SERINC5: variants seen among roughly 807,000 people sequenced by gnomAD.
The protein encoded by SERINC5 is chromosome 5 open reading frame 12.
SERINC5 carries 41 observed loss-of-function variants against 63.1 expected under a neutral mutation model. The ratio of observed to expected loss-of-function variants is 0.65; its 90% CI spans 0.51 to 0.84. The LOEUF (loss-of-function observed/expected upper bound fraction) is 0.84. SERINC5 is among the 40% of genes least tolerant of loss of function. The pLI is 0.00. For synonymous variants in SERINC5, 222 were observed against 215.2 expected (o/e 1.03, Z -0.28); for missense variants, 523 against 573.0 (o/e 0.91, Z 0.89).
At chr5:80,168,534 T>A (rs1747450655) in intron 6 of SERINC5, among the ~76,000 whole-genome samples, 1 of 152,244 alleles carries the variant, frequency 6.6e-6, no homozygotes, top group Admixed American at 6.5e-5. Flanking sequence ...ATTTTAGAAA[T>A]GATTCAAGGG....
At chr5:80,148,147 C>G (rs1490415158) in intron 9 of SERINC5, among the ~76,000 whole-genome samples, 2 of 150,030 alleles carry the variant, frequency 1.3e-5, no homozygotes, top group Non-Finnish European at 3.0e-5. Flanking sequence ...GGAGGGAATG[C>G]TTGCCTTTGA....
intron 1 of SERINC5, among the ~76,000 whole-genome samples, chr5:80,237,345 C>CT (rs61277664): frequency 0.32 from 48,607 of 150,824 alleles, 7,841 homozygotes; most frequent in Middle Eastern, 0.41. Context: ...CTTTCTCTCT[C>CT]TTTTTTTTTC....
At chr5:80,205,421 C>G (rs1239713090) in intron 1 of SERINC5, among the ~76,000 whole-genome samples, 1 of 152,204 alleles carries the variant, frequency 6.6e-6, no homozygotes, top group African/African-American at 2.4e-5. Flanking sequence ...TGTACAAGCA[C>G]CCAGGGTGCT....
intron 9 of SERINC5, among the ~76,000 whole-genome samples, chr5:80,147,544 C>T (rs940931378): frequency 1.3e-5 from 2 of 152,124 alleles, no homozygotes; most frequent in African/African-American, 4.8e-5. Flanking sequence ...GCTCCTTTAC[C>T]CTTCCTGGGT....
At chr5:80,112,191 CG>C (rs1389384843) in intron 12 of SERINC5, among the ~76,000 whole-genome samples, 3 of 152,128 alleles carry the variant, frequency 2.0e-5, no homozygotes, top group African/African-American at 7.2e-5. Context: ...TCATACCGAA[CG>C]GAATGTCTCG....
chr5:80,130,335 G>A (rs537623430), intron 11 of SERINC5, among the ~76,000 whole-genome samples: 8 of 151,898 alleles, frequency 5.3e-5, no homozygotes, highest in East Asian at 1.9e-4. Context: ...AGCCAAGATC[G>A]CGCCACTGCA....
chr5:80,179,388 C>G (rs1748275380), intron 2 of SERINC5, among the ~76,000 whole-genome samples: 1 of 152,228 alleles, frequency 6.6e-6, no homozygotes, highest in African/African-American at 2.4e-5. Context: ...TCATCACTAT[C>G]TTATACTGTA....
intron 1 of SERINC5, among the ~76,000 whole-genome samples, chr5:80,220,470 A>G (rs1316866855): frequency 6.6e-6 from 1 of 152,198 alleles, no homozygotes; most frequent in African/African-American, 2.4e-5. Context: ...AATTACTGTT[A>G]TTTGTTCAGT....
At chr5:80,210,619 C>T (rs890188971) in intron 1 of SERINC5, among the ~76,000 whole-genome samples, 2 of 152,122 alleles carry the variant, frequency 1.3e-5, no homozygotes, top group Non-Finnish European at 1.5e-5. Flanking sequence ...ACAAAATCGG[C>T]ATGCACACAC....
chr5:80,193,775 G>A (rs1306703692), intron 2 of SERINC5, among the ~76,000 whole-genome samples: 1 of 152,208 alleles, frequency 6.6e-6, no homozygotes, highest in African/African-American at 2.4e-5. Flanking sequence ...TATGGGGAAG[G>A]ATAAGGCCCA....
intron 11 of SERINC5, among the ~76,000 whole-genome samples, chr5:80,117,326 T>C (rs1744372129): frequency 6.6e-6 from 1 of 152,078 alleles, no homozygotes; most frequent in African/African-American, 2.4e-5. Context: ...AATAGGCAAA[T>C]ATTGGCACCT....
At position 80,204,886 on chromosome 5, in the gene SERINC5, C is replaced by T. The variant is rs150340508; in HGVS notation, c.28-1833G>A. The stretch of plus-strand genomic sequence containing the variant: ...CTGGGGAAAAACAAAACTGCAGCTG[C>T]ACTGATAAGAAAGCAGGGCCCAGCA... On this transcript the variant is annotated intron_variant, in intron 1 of 11. Coordinates refer to ENST00000507668, the MANE Select transcript of SERINC5 (RefSeq NM_001174072.3). Among the ~76,000 whole-genome samples the T allele has an allele frequency of 2.3e-3, 357 of 152,268 alleles. 1 individual carries two copies. The highest frequency in any genetic ancestry group is 8.2e-3 in the African/African-American group (340 of 41,558).
At chr5:80,216,932 G>C (rs969858939) in intron 1 of SERINC5, among the ~76,000 whole-genome samples, 2 of 151,976 alleles carry the variant, frequency 1.3e-5, no homozygotes, top group Admixed American at 1.3e-4. Flanking sequence ...GATGGATTGA[G>C]CCCAGAAGAT....
chr5:80,143,892 T>C, intron 11 of SERINC5, 82 bp from the exon 12 acceptor site: 2 of 1,459,306 alleles, frequency 1.4e-6, no homozygotes, highest in Non-Finnish European at 1.8e-6. Flanking sequence ...ATTTATAATG[T>C]ATAATTCAAC....
At chr5:80,196,430 C>G (rs1317209827) in intron 2 of SERINC5, among the ~76,000 whole-genome samples, 1 of 152,138 alleles carries the variant, frequency 6.6e-6, no homozygotes, top group Non-Finnish European at 1.5e-5. Flanking sequence ...TCCCACATTA[C>G]TGGTGGGAAT....
chr5:80,250,356 T>A (rs1752354174), intron 1 of SERINC5, among the ~76,000 whole-genome samples: 1 of 152,306 alleles, frequency 6.6e-6, no homozygotes, highest in East Asian at 1.9e-4. Flanking sequence ...TATTATTATT[T>A]TTTGAAACGG....
Position 80,202,895 on chromosome 5 carries a change from C to T in SERINC5, c.186G>A (p.Met62Ile). 2 of 1,609,734 alleles carry T rather than the reference C, an allele frequency of 1.2e-6. No homozygotes were observed. Among genetic ancestry groups the T allele is most frequent in the Non-Finnish European group, 1.7e-6 (2 of 1,176,642 alleles). The change falls in exon 2 of 12, where the codon ATG becomes ATA. Residue 62 changes from methionine to isoleucine, a missense_variant. By Grantham distance (10) the Met-to-Ile change is conservative. Coordinates refer to ENST00000507668, the MANE Select transcript of SERINC5 (RefSeq NM_001174072.3). ...IMMSTTVAHK[M>I]KEHIPFFEDM... ...ACACGGACAAACTTACGTGCTCTTT[C>T]ATCTTGTGAGCCACGGTTGTTGACA... is the stretch of plus-strand genomic sequence containing the variant.
At chr5:80,137,880 A>C (rs565662130), downstream of SERINC5, among the ~76,000 whole-genome samples, 3 of 152,112 alleles carry the variant, frequency 2.0e-5, no homozygotes, top group South Asian at 6.2e-4. Flanking sequence ...AGTCAAGGCC[A>C]AAATAAGCCA....
At chr5:80,210,275 G>T (rs1337154281) in intron 1 of SERINC5, among the ~76,000 whole-genome samples, 2 of 152,108 alleles carry the variant, frequency 1.3e-5, no homozygotes, top group Non-Finnish European at 2.9e-5. Context: ...CCTTGCCGGG[G>T]CAAAGAATCA....
Sources: gnomAD v4.1 joint callset for allele counts (sites outside exome capture counted in the v4.1 genomes callset) on GRCh38, gnomAD v4.1.1 for gene constraint, MANE v1.5 for transcripts, NCBI Gene and HGNC (gene_info 2026-07-23, HGNC 2026-07-21) for gene names.